Variants in NUCB2 observed in about 807,000 individuals in gnomAD.
NUCB2 encodes nucleobindin 2.
A neutral mutation model predicts 57.9 loss-of-function variants in NUCB2; 48 were observed. The ratio of observed to expected loss-of-function variants is 0.83; its 90% CI spans 0.66 to 1.05. The LOEUF is 1.05. Among genes scored for constraint, NUCB2 ranks in the 50% least tolerant of loss-of-function variants. NUCB2 has a pLI of 0.00. For missense variants in NUCB2, 442 were observed against 476.2 expected, an observed-to-expected ratio of 0.93 and a Z score of 0.67; for synonymous variants, 139 against 152.1, an observed-to-expected ratio of 0.91 and a Z score of 0.64.
At chr11:17,336,529 C>T (rs1198801428), downstream of NUCB2, among the ~76,000 whole-genome samples, 7 of 151,334 alleles carry the variant, frequency 4.6e-5, no homozygotes, top group Non-Finnish European at 7.4e-5. Flanking sequence ...CCGAGGCGGG[C>T]GGATCACGAG....
chr11:17,292,343 C>T (rs1945077968), intron 2 of NUCB2, among the ~76,000 whole-genome samples: 1 of 151,988 alleles, frequency 6.6e-6, no homozygotes, highest in Non-Finnish European at 1.5e-5. Context: ...TTTAAAGATC[C>T]AAGTTTACCT....
At chr11:17,298,601 A>T (rs1012435726) in intron 4 of NUCB2, among the ~76,000 whole-genome samples, 2 of 152,050 alleles carry the variant, frequency 1.3e-5, no homozygotes, top group African/African-American at 4.8e-5. Context: ...GTAAAACTAG[A>T]CAATAAAACG....
At chr11:17,289,859 TTTTTTCC>T (rs1462307168) in intron 2 of NUCB2, among the ~76,000 whole-genome samples, 2 of 152,178 alleles carry the variant, frequency 1.3e-5, no homozygotes, top group Non-Finnish European at 2.9e-5. Flanking sequence ...CTCAGCTTTA[TTTTTTCC>T]TTAAACTATA....
chr11:17,316,429 A>G (rs1236951874), intron 11 of NUCB2, among the ~76,000 whole-genome samples: 2 of 152,210 alleles, frequency 1.3e-5, no homozygotes, highest in Admixed American at 6.5e-5. Context: ...ATGCAGTTAT[A>G]TGGCTGTAGC....
chr11:17,286,904 G>A (rs1591227892), intron 2 of NUCB2, among the ~76,000 whole-genome samples: 1 of 151,954 alleles, frequency 6.6e-6, no homozygotes, highest in African/African-American at 2.4e-5. Flanking sequence ...TCTGCCTAAT[G>A]TGCTGGAATA....
At chr11:17,328,030 C>T (rs1422420359) in intron 11 of NUCB2, among the ~76,000 whole-genome samples, 1 of 152,182 alleles carries the variant, frequency 6.6e-6, no homozygotes, top group Non-Finnish European at 1.5e-5. Context: ...TAGATACTTA[C>T]TGTAATCTTC....
At chr11:17,334,885 CAA>C (rs375093514), downstream of NUCB2, among the ~76,000 whole-genome samples, 91 of 121,838 alleles carry the variant, frequency 7.5e-4, no homozygotes, top group Admixed American at 1.0e-3. Context: ...GGCTCTATCT[CAA>C]AAAAAAAAAA....
chr11:17,331,241 A>T, intron 13 of NUCB2, 171 bp from the exon 14 acceptor site: 1 of 527,166 alleles, frequency 1.9e-6, no homozygotes, highest in South Asian at 3.4e-5. Flanking sequence ...TTTCAACTTT[A>T]TTTGTAATTC....
At chr11:17,337,161 A>G (rs1245599587), downstream of NUCB2, among the ~76,000 whole-genome samples, 1 of 151,902 alleles carries the variant, frequency 6.6e-6, no homozygotes, top group Admixed American at 6.6e-5. Context: ...GGCTGGCTTC[A>G]AATTCCTGGC....
chr11:17,326,323 T>TG (rs894241548), intron 11 of NUCB2, among the ~76,000 whole-genome samples: 3 of 145,044 alleles, frequency 2.1e-5, no homozygotes, highest in Non-Finnish European at 3.0e-5. Flanking sequence ...TTTTTTTTTT[T>TG]TTTTTTTTTT....
chr11:17,330,329 A>AG lies in NUCB2; in HGVS notation c.1173+32_1173+33insG. 1 of 1,560,118 alleles carries AG rather than the reference A, an allele frequency of 6.4e-7. No homozygotes were observed. The highest frequency in any genetic ancestry group is 8.7e-7 in the Non-Finnish European group (1 of 1,152,508). ...TTTTGTCAAAAGATTATGGCATTAA[A>AG]AAGATTTTAGGTGCTTTGTTAAAAG... is the stretch of plus-strand genomic sequence containing the variant. On this transcript the variant is annotated intron_variant, in intron 12 of 13. Coordinates refer to ENST00000529010, the MANE Select transcript of NUCB2 (RefSeq NM_005013.4). This position sits in a 1 kb window ranked among gnomAD's most constrained non-coding sequence, Gnocchi z 4.3.
chr11:17,314,605 T>C (rs1379704253), intron 10 of NUCB2, among the ~76,000 whole-genome samples: 4 of 152,200 alleles, frequency 2.6e-5, no homozygotes, highest in Admixed American at 1.3e-4. Flanking sequence ...CAAATGTCCA[T>C]GGTCCATCCA....
In NUCB2 at chr11:17,330,992, T is replaced by C; in HGVS notation, c.1255+9T>C. 6.5e-7 allele frequency: 1 copy of C among 1,533,976 alleles called. No individual in the cohort carries two copies. Among genetic ancestry groups the C allele is most frequent in the African/African-American group, 1.4e-5 (1 of 73,170 alleles). ...ATTGAAGTTTGAGCCACGTGTGTAA[T>C]TTTGTTTGATTATTTATTTAGGAAA... On this transcript the variant is annotated intron_variant, in intron 13 of 13. Coordinates refer to ENST00000529010, the MANE Select transcript of NUCB2 (RefSeq NM_005013.4). The surrounding 1 kb of genome is among the most constrained non-coding windows in gnomAD (Gnocchi z 4.3).
At chr11:17,294,838 A>G (rs148720736) in intron 2 of NUCB2, among the ~76,000 whole-genome samples, 2,868 of 152,234 alleles carry the variant, frequency 0.019, 94 homozygotes, top group African/African-American at 0.065. Flanking sequence ...ACCTGAGGTC[A>G]GGAGTTCGAG....
At chr11:17,283,573 T>C (rs942392110) in intron 2 of NUCB2, 1 of 152,234 alleles carries the variant, frequency 6.6e-6, no homozygotes, top group East Asian at 1.9e-4. Context: ...ATGTAATAAA[T>C]TGTGTTTCTG....
chr11:17,303,078 G>C (rs977620296), intron 5 of NUCB2, among the ~76,000 whole-genome samples: 7 of 152,048 alleles, frequency 4.6e-5, no homozygotes, highest in Admixed American at 3.9e-4. Context: ...ATATGGTCTT[G>C]CTGTGTTGCC....
At position 17,330,521 on chromosome 11, in the gene NUCB2, T is replaced by C. The variant is rs1951263767; in HGVS notation, c.1173+224T>C. Among the ~76,000 whole-genome samples, 1 of 152,148 alleles carries C rather than the reference T, an allele frequency of 6.6e-6. No individual in the cohort carries two copies. The highest frequency in any genetic ancestry group is 2.1e-4 in the South Asian group (1 of 4,834). ...AGACAGCCTGTCTCCCAGGCTGGAG[T>C]ATAGTGCTGTGATCATAGCTCACTG... On this transcript the variant is annotated intron_variant, in intron 12 of 13. Transcript: ENST00000529010. The surrounding 1 kb of genome is among the most constrained non-coding windows in gnomAD (Gnocchi z 4.3).
At chr11:17,347,595 G>A (rs886885373) in intron 2 of NUCB2, among the ~76,000 whole-genome samples, 1 of 151,980 alleles carries the variant, frequency 6.6e-6, no homozygotes, top group Admixed American at 6.6e-5. Context: ...ATTTAACATT[G>A]TTACAATACT....
intron 2 of NUCB2, among the ~76,000 whole-genome samples, chr11:17,339,774 C>G (rs893037006): frequency 2.6e-5 from 4 of 151,922 alleles, no homozygotes; most frequent in Non-Finnish European, 5.9e-5. Flanking sequence ...TGGGTTGGTT[C>G]CAAGTCTTTG....
Sources: allele counts gnomAD v4.1 joint callset (sites outside exome capture counted in the v4.1 genomes callset), GRCh38; gene constraint gnomAD v4.1.1; non-coding constraint Gnocchi (gnomAD v3.1); transcripts MANE v1.5; gene names NCBI Gene and HGNC (gene_info 2026-07-23, HGNC 2026-07-21).